POLRMT: variants seen among roughly 807,000 people sequenced by gnomAD.
The protein encoded by POLRMT is RNA polymerase mitochondrial.
Under a neutral mutation model 132.2 loss-of-function variants are expected in POLRMT, and 114 were observed. The ratio of observed to expected loss-of-function variants is 0.86; its 90% CI spans 0.74 to 1.01. The LOEUF (loss-of-function observed/expected upper bound fraction) is 1.01. Among genes scored for constraint, POLRMT ranks in the 50% least tolerant of loss-of-function variants. The pLI, the probability that POLRMT is intolerant of heterozygous loss-of-function variation, is 0.00. For synonymous variants in POLRMT, 1,020 were observed against 773.4 expected (o/e 1.32, Z -5.29); for missense variants, 2,003 against 1,729.1 (o/e 1.16, Z -2.81).
chr19:624,931 G>A (rs1462459903), intron 4 of POLRMT, 26 bp from the exon 5 acceptor site: 5 of 1,587,480 alleles, frequency 3.1e-6, no homozygotes, highest in African/African-American at 1.3e-5. Context: ...CCTGCTCGAG[G>A]GACGGGCCAG....
At position 632,849 on chromosome 19, in the gene POLRMT, C is replaced by G; in HGVS notation, c.178G>C (p.Val60Leu). 6.5e-7 allele frequency: 1 copy of G among 1,544,598 alleles called. No homozygotes were observed. Residue 60 changes from valine (V) to leucine (L), a missense_variant, in exon 2 of 21, where the codon GTG (valine) becomes CTG (leucine). Coordinates refer to ENST00000588649, the MANE Select transcript of POLRMT (RefSeq NM_005035.4). Reference sequence around the variant, plus strand: ...TCGCGCTCACCCTCCAGCAGCTCCACGTGGCCCCAGTCCTTCCTGCGGTCT... The same window carrying G: ...TCGCGCTCACCCTCCAGCAGCTCCAGGTGGCCCCAGTCCTTCCTGCGGTCT... ...DQDRRKDWGH[V>L]ELLEVLQARV...
intron 3 of POLRMT, 78 bp from the exon 4 acceptor site, chr19:625,332 C>T: frequency 6.3e-7 from 1 of 1,575,836 alleles, no homozygotes; most frequent in Non-Finnish European, 8.6e-7. Context: ...GAGACCCCTT[C>T]TCTGTAGCCA....
In POLRMT at chr19:620,084, A is replaced by C; in HGVS notation, c.2764-4T>G. On this transcript the variant is annotated splice_polypyrimidine_tract_variant and splice_region_variant and intron_variant, in intron 11 of 20. Coordinates refer to ENST00000588649, the MANE Select transcript of POLRMT (RefSeq NM_005035.4). ...GCAGGCCGTTGCAAGAGCCGTCCTGAGGAAGGGGCGGCAAACGGGAGATGG... is the reference window on the plus strand; with the variant it reads ...GCAGGCCGTTGCAAGAGCCGTCCTGCGGAAGGGGCGGCAAACGGGAGATGG... The C allele has an allele frequency of 6.5e-7, 1 of 1,539,192 alleles. No homozygotes were observed.
intron 3 of POLRMT, among the ~76,000 whole-genome samples, chr19:628,350 T>C (rs1985169482): frequency 1.3e-5 from 2 of 152,182 alleles, no homozygotes; most frequent in South Asian, 4.1e-4. Flanking sequence ...ACCCTCATCC[T>C]CAGTCCTCCC....
At position 617,255 on chromosome 19, in the gene POLRMT, T is replaced by C. The variant is rs979721268; in HGVS notation, c.*19A>G. On this transcript the variant is annotated 3_prime_UTR_variant, in exon 21 of 21. Coordinates refer to ENST00000588649, the MANE Select transcript of POLRMT (RefSeq NM_005035.4). ...TGGCAAAAGAGCTTTATTTACACAC[T>C]GACAAGGCTCACGGGGTGTCAGCTG... 1 of 1,612,364 alleles carries C rather than the reference T, an allele frequency of 6.2e-7. No individual in the cohort carries two copies. The highest frequency in any genetic ancestry group is 1.7e-5 in the Admixed American group (1 of 60,028).
In POLRMT at chr19:623,576, G is replaced by A. The variant is rs199567642; in HGVS notation, c.1168C>T (p.His390Tyr). Reference sequence around the variant, plus strand: ...CACTGCAGGGTCTTCAAGGGCAGGTGCAGCTTCGGGTAGGACACACGCCCA... The same window carrying A: ...CACTGCAGGGTCTTCAAGGGCAGGTACAGCTTCGGGTAGGACACACGCCCA... Reference protein sequence around the residue: ...KDGRVSYPKLHLPLKTLQCLF... With the variant: ...KDGRVSYPKLYLPLKTLQCLF... Residue 390 changes from histidine to tyrosine, a missense_variant, in exon 6 of 21, where the codon CAC (histidine) becomes TAC (tyrosine). Transcript: ENST00000588649. 3.7e-6 allele frequency: 6 copies of A among 1,613,708 alleles called. No individual in the cohort carries two copies. The highest frequency in any genetic ancestry group is 1.3e-5 in the African/African-American group (1 of 75,070).
chr19:619,857 A>T, intron 12 of POLRMT, 92 bp from the exon 13 acceptor site: 1 of 1,566,580 alleles, frequency 6.4e-7, no homozygotes, highest in Non-Finnish European at 8.6e-7. Context: ...CAGCCCCACC[A>T]CATCCTCAGG....
In POLRMT at chr19:621,102, C is replaced by T; in HGVS notation, c.2596G>A (p.Glu866Lys). The change falls in exon 10 of 21, where the codon GAG (glutamate) becomes AAG (lysine). Residue 866 changes from glutamate (E) to lysine (K), a missense_variant. By Grantham distance (56) the Glu-to-Lys change is moderately conservative. Transcript: ENST00000588649. Reference protein sequence around the residue: ...PLRKRLAFAEEVMDDILDSAD... With the variant: ...PLRKRLAFAEKVMDDILDSAD... ...GAGTCCAGGATGTCATCCATCACCTCCTCCGCAAAGGCCAGGCGCTTCCGC... is the reference window on the plus strand; with the variant it reads ...GAGTCCAGGATGTCATCCATCACCTTCTCCGCAAAGGCCAGGCGCTTCCGC... 2 of 1,608,656 alleles carry T rather than the reference C, an allele frequency of 1.2e-6. No homozygotes were observed. The highest frequency in any genetic ancestry group is 1.7e-6 in the Non-Finnish European group (2 of 1,178,260).
Position 619,135 on chromosome 19 carries a change from G to A in POLRMT, c.3154-25C>T, listed in dbSNP as rs556705104. ...GCTGTGGGACACAGGCCGTCTCAGG[G>A]CAGGGGGCTCAGGCCGGGGATCCCG... On this transcript the variant is annotated intron_variant, in intron 14 of 20. Coordinates refer to ENST00000588649, the MANE Select transcript of POLRMT (RefSeq NM_005035.4). 1.1e-5 allele frequency: 18 copies of A among 1,610,848 alleles called. No homozygotes were observed. The South Asian group carries it at 1.3e-4, about 12-fold the overall frequency.
At chr19:626,268 C>T (rs1464955718) in intron 3 of POLRMT, among the ~76,000 whole-genome samples, 3 of 152,028 alleles carry the variant, frequency 2.0e-5, no homozygotes, top group Admixed American at 6.5e-5. Flanking sequence ...TCTCCTGCCT[C>T]AGCCTCCTGA....
Position 619,995 on chromosome 19 carries a change from T to A in POLRMT, c.2849A>T (p.Asp950Val). 1.3e-6 allele frequency: 2 copies of A among 1,593,998 alleles called. No individual in the cohort carries two copies. Among genetic ancestry groups the A allele is most frequent in the Non-Finnish European group, 1.7e-6 (2 of 1,174,354 alleles). ...GAASVNLEPS[D>V]VPQDVYSGVA... ...GCCGCTGTACACGTCCTGCGGCACA[T>A]CCGAGGGCTCCAGGTTGACGGAGGC... Residue 950 changes from aspartate (D) to valine (V), a missense_variant, in exon 12 of 21, where the codon GAT becomes GTT. By Grantham distance (152) the Asp-to-Val change is radical (BLOSUM62 -3). Coordinates refer to ENST00000588649, the MANE Select transcript of POLRMT (RefSeq NM_005035.4).
rs55752843 is a variant in POLRMT, at chr19:620,069, G to T, written c.2775C>A (p.Cys925Ter). 10 of 1,543,098 alleles carry T rather than the reference G, an allele frequency of 6.5e-6. No homozygotes were observed. Among genetic ancestry groups the T allele is most frequent in the Non-Finnish European group, 8.7e-6 (10 of 1,149,200 alleles). ...GAGCAGCATAATGCTGCAGGCCGTT[G>T]CAAGAGCCGTCCTGAGGAAGGGGCG... ...SHLPVHQDGS[C>*]NGLQHYAALG... Residue 925 changes from cysteine (C) to a stop codon, truncating the protein, a stop_gained, in exon 12 of 21, where the codon TGC becomes TGA. Coordinates refer to ENST00000588649, the MANE Select transcript of POLRMT (RefSeq NM_005035.4). LOFTEE classifies it high-confidence loss of function.
Position 619,866 on chromosome 19 carries a change from G to A in POLRMT, c.2886+92C>T, listed in dbSNP as rs941144706. The A allele has an allele frequency of 1.1e-5, 18 of 1,579,566 alleles. No individual in the cohort carries two copies. The African/African-American group carries it at 2.2e-4, about 19-fold the overall frequency. Reference sequence around the variant, plus strand: ...CCGCCCCAGCCCCACCACATCCTCAGGACAGGCCAAGGTGAGGGCACCTGG... The same window carrying A: ...CCGCCCCAGCCCCACCACATCCTCAAGACAGGCCAAGGTGAGGGCACCTGG... On this transcript the variant is annotated intron_variant, in intron 12 of 20. Transcript: ENST00000588649.
chr19:624,903 C>T lies in POLRMT; in HGVS notation c.956G>A (p.Cys319Tyr). The change falls in exon 5 of 21, where the codon TGT becomes TAT. Residue 319 changes from cysteine to tyrosine, a missense_variant and splice_region_variant. Cys to Tyr is a radical substitution (Grantham distance 194). Coordinates refer to ENST00000588649, the MANE Select transcript of POLRMT (RefSeq NM_005035.4). ...CCCCTCCTGGCTCATCTGTTCCAGA[C>T]ACCTGTGGTGCAGGCGGCCTGCTCG... ...QDQDAGTIERCLEQMSQEGLK... is the reference protein window; with the variant it reads ...QDQDAGTIERYLEQMSQEGLK... The T allele has an allele frequency of 6.2e-7, 1 of 1,606,486 alleles. No homozygotes were observed. The highest frequency in any genetic ancestry group is 8.5e-7 in the Non-Finnish European group (1 of 1,175,178).
At position 620,020 on chromosome 19, in the gene POLRMT, C is replaced by A. The variant is rs765538078; in HGVS notation, c.2824G>T (p.Ala942Ser). 3.8e-6 allele frequency: 6 copies of A among 1,576,820 alleles called. 1 individual carries two copies. The South Asian group carries it at 6.8e-5, about 18-fold the overall frequency. Reference sequence around the variant, plus strand: ...TCCGAGGGCTCCAGGTTGACGGAGGCGGCGCCCACGCTGTCGCGGCCCAGA... The same window carrying A: ...TCCGAGGGCTCCAGGTTGACGGAGGAGGCGCCCACGCTGTCGCGGCCCAGA... Reference protein sequence around the residue: ...AALGRDSVGAASVNLEPSDVP... With the variant: ...AALGRDSVGASSVNLEPSDVP... Residue 942 changes from alanine (A) to serine (S), a missense_variant, in exon 12 of 21, where the codon GCC (alanine) becomes TCC (serine). Transcript: ENST00000588649.
At chr19:628,197 G>C (rs548708580) in intron 3 of POLRMT, among the ~76,000 whole-genome samples, 2 of 152,168 alleles carry the variant, frequency 1.3e-5, no homozygotes, top group African/African-American at 4.8e-5. Flanking sequence ...TTCTGGGCTC[G>C]TGCTAAGAGT....
intron 3 of POLRMT, among the ~76,000 whole-genome samples, chr19:628,045 A>C (rs1985149271): frequency 6.6e-6 from 1 of 152,252 alleles, no homozygotes; most frequent in African/African-American, 2.4e-5. Flanking sequence ...CACGCCTGTA[A>C]TCCCAGCTGC....
chr19:633,039 G>A, intron 1 of POLRMT, 101 bp from the exon 2 acceptor site: 2 of 820,602 alleles, frequency 2.4e-6, no homozygotes, highest in Non-Finnish European at 3.6e-6. Context: ...AGCCCTAAAC[G>A]CAGCGGAAAC....
chr19:631,635 C>T (rs181992075), intron 2 of POLRMT, among the ~76,000 whole-genome samples: 18 of 151,764 alleles, frequency 1.2e-4, no homozygotes, highest in Admixed American at 2.0e-4. Flanking sequence ...GAGAATCCGT[C>T]TCAAGAAAAA....
Sources: gnomAD v4.1 joint callset for allele counts (sites outside exome capture counted in the v4.1 genomes callset) on GRCh38, gnomAD v4.1.1 for gene constraint, MANE v1.5 for transcripts, NCBI Gene and HGNC (gene_info 2026-07-23, HGNC 2026-07-21) for gene names.